Variants in RALGPS2 observed in about 807,000 individuals in gnomAD.
The protein encoded by RALGPS2 is ras-specific guanine nucleotide-releasing factor RalGPS2.
In RALGPS2, 43 loss-of-function variants were observed where a neutral mutation model predicts 86.8. That is an observed-to-expected ratio of 0.50 (90% CI 0.39 to 0.64). The LOEUF (loss-of-function observed/expected upper bound fraction) is 0.64, where lower values mean the gene tolerates loss of function less well. Among genes scored for constraint, RALGPS2 ranks in the 30% least tolerant of loss-of-function variants. The pLI is 0.00. For synonymous variants in RALGPS2, 243 were observed against 231.3 expected (o/e 1.05, Z -0.46); for missense variants, 536 against 694.6 (o/e 0.77, Z 2.57).
chr1:178,770,333 T>C (rs1447220984), intron 1 of RALGPS2, among the ~76,000 whole-genome samples: 1 of 151,966 alleles, frequency 6.6e-6, no homozygotes, highest in African/African-American at 2.4e-5. Context: ...CCACAGTTGA[T>C]CTTTATGCAC....
Position 178,883,541 on chromosome 1 carries a change from C to T in RALGPS2, c.904+8C>T, listed in dbSNP as rs201256963. On this transcript the variant is annotated splice_region_variant and intron_variant, in intron 11 of 19. Transcript: ENST00000367635. The stretch of plus-strand genomic sequence containing the variant: ...CCAGAGAAGATTTAGTAGGTCAGTA[C>T]GTAGTTTTCTCTTGTTACCAAATCT... The T allele has an allele frequency of 1.3e-5, 21 of 1,602,188 alleles. No individual in the cohort carries two copies. The highest frequency in any genetic ancestry group is 6.7e-5 in the African/African-American group (5 of 74,658).
At chr1:178,785,483 T>G in intron 3 of RALGPS2, 74 bp from the exon 4 acceptor site, 1 of 1,445,988 alleles carries the variant, frequency 6.9e-7, no homozygotes, top group Non-Finnish European at 9.2e-7. Context: ...GTATAGAATA[T>G]AATTTTAATT....
intron 18 of RALGPS2, among the ~76,000 whole-genome samples, chr1:178,903,053 A>G (rs995214832): frequency 2.0e-5 from 3 of 152,142 alleles, no homozygotes; most frequent in Non-Finnish European, 4.4e-5. Flanking sequence ...CTCATCAGAA[A>G]ATATCCCCAA....
intron 1 of RALGPS2, among the ~76,000 whole-genome samples, chr1:178,745,742 A>G (rs765049033): frequency 2.0e-5 from 3 of 151,986 alleles, no homozygotes; most frequent in Non-Finnish European, 4.4e-5. Flanking sequence ...CACCAAAAGC[A>G]TGATCCTTAA....
intron 8 of RALGPS2, among the ~76,000 whole-genome samples, chr1:178,854,293 C>T (rs1354677630): frequency 6.6e-6 from 1 of 152,072 alleles, no homozygotes. Flanking sequence ...CTACATAATA[C>T]CCAAGTTACA....
chr1:178,753,071 ACT>A (rs937012502), intron 1 of RALGPS2, among the ~76,000 whole-genome samples: 1 of 152,138 alleles, frequency 6.6e-6, no homozygotes, highest in African/African-American at 2.4e-5. Flanking sequence ...TGCCCTCTGT[ACT>A]GTACTTGAAC....
At chr1:178,741,222 G>C (rs570040238) in intron 1 of RALGPS2, among the ~76,000 whole-genome samples, 1 of 152,258 alleles carries the variant, frequency 6.6e-6, no homozygotes, top group East Asian at 1.9e-4. Context: ...TAGATGCTTG[G>C]TGTTCTAAGC....
chr1:178,910,648 G>C (rs976474660), intron 19 of RALGPS2, among the ~76,000 whole-genome samples: 1 of 152,112 alleles, frequency 6.6e-6, no homozygotes, highest in African/African-American at 2.4e-5. Flanking sequence ...CTGATATGCT[G>C]CTGGATTCAG....
chr1:178,897,586 T>C (rs1415655226), intron 16 of RALGPS2, 78 bp from the exon 17 acceptor site: 2 of 1,188,248 alleles, frequency 1.7e-6, no homozygotes, highest in African/African-American at 3.0e-5. Flanking sequence ...GTGGACTTGA[T>C]CATTGGCACT....
intron 8 of RALGPS2, among the ~76,000 whole-genome samples, chr1:178,863,740 A>G (rs912241963): frequency 7.2e-5 from 11 of 152,216 alleles, no homozygotes; most frequent in Admixed American, 3.3e-4. Flanking sequence ...ACTTTAAGGC[A>G]TAGAAGGAAG....
chr1:178,838,002 G>A (rs1257796334), intron 8 of RALGPS2, among the ~76,000 whole-genome samples: 1 of 152,222 alleles, frequency 6.6e-6, no homozygotes, highest in Non-Finnish European at 1.5e-5. Context: ...CCATTGCTGA[G>A]GCTTGAGTAG....
In RALGPS2 at chr1:178,811,265, C is replaced by A. The variant is rs530986345; in HGVS notation, c.298-50C>A. The A allele has an allele frequency of 7.8e-6, 11 of 1,407,006 alleles. No individual in the cohort carries two copies. In the Admixed American group the frequency reaches 1.5e-4, roughly 19 times the overall value. The allele number at this position is 1,407,006 out of a possible 1,614,324, so 87.2% of individuals were successfully genotyped here. On this transcript the variant is annotated intron_variant, in intron 5 of 19. Coordinates refer to ENST00000367635, the MANE Select transcript of RALGPS2 (RefSeq NM_152663.5). ...AATTTTTTAAAATACAGCAAAAAAA[C>A]TTACAAATTAAAAATCATAGTGATA...
At chr1:178,806,153 T>C (rs775962058) in intron 4 of RALGPS2, among the ~76,000 whole-genome samples, 1 of 152,098 alleles carries the variant, frequency 6.6e-6, no homozygotes, top group Admixed American at 6.6e-5. Context: ...CTTTGTTTGC[T>C]AGTTTGTTTT....
intron 11 of RALGPS2, among the ~76,000 whole-genome samples, chr1:178,884,041 A>G (rs1237253492): frequency 6.6e-6 from 1 of 152,178 alleles, no homozygotes; most frequent in African/African-American, 2.4e-5. Context: ...CAAGTATGCT[A>G]CCTAATCAAG....
At chr1:178,824,510 G>A (rs1655657312) in intron 7 of RALGPS2, among the ~76,000 whole-genome samples, 1 of 152,080 alleles carries the variant, frequency 6.6e-6, no homozygotes, top group Non-Finnish European at 1.5e-5. Context: ...ATCAGTAAGA[G>A]TTTATCCATT....
chr1:178,728,866 G>A lies in RALGPS2; in HGVS notation c.-84+3447G>A, dbSNP rs115987207. Among the ~76,000 whole-genome samples, 753 of 152,144 alleles carry A rather than the reference G, an allele frequency of 4.9e-3. 7 individuals carry two copies. Among genetic ancestry groups the A allele is most frequent in the African/African-American group, 0.016 (684 of 41,508 alleles). On this transcript the variant is annotated intron_variant, in intron 1 of 19. Coordinates refer to ENST00000367635, the MANE Select transcript of RALGPS2 (RefSeq NM_152663.5). ...AATAAAACACTGGAATTTAAAATGT[G>A]TTACATTTACCTATTCTATGGAAAG...
intron 7 of RALGPS2, among the ~76,000 whole-genome samples, chr1:178,832,863 A>G (rs1221173160): frequency 3.3e-5 from 5 of 151,932 alleles, no homozygotes; most frequent in African/African-American, 9.7e-5. Context: ...GTGTCTTACA[A>G]CAGTATCTTT....
chr1:178,851,329 A>G (rs1275941648), intron 8 of RALGPS2: 2 of 1,599,068 alleles, frequency 1.3e-6, no homozygotes, highest in Non-Finnish European at 1.7e-6. Flanking sequence ...TTGAGGAAAA[A>G]ATACAGATAT....
At chr1:178,903,206 T>C (rs1660251483) in intron 18 of RALGPS2, among the ~76,000 whole-genome samples, 1 of 152,186 alleles carries the variant, frequency 6.6e-6, no homozygotes, top group Non-Finnish European at 1.5e-5. Context: ...TCAGATACTA[T>C]TTTGTATCAA....
Sources: gnomAD v4.1 joint callset for allele counts (sites outside exome capture counted in the v4.1 genomes callset) on GRCh38, gnomAD v4.1.1 for gene constraint, MANE v1.5 for transcripts, NCBI Gene and HGNC (gene_info 2026-07-23, HGNC 2026-07-21) for gene names.